Variants in ARHGEF16 observed in about 807,000 individuals in gnomAD.
ARHGEF16 encodes the protein Rho guanine nucleotide exchange factor 16, also known as Rho guanine exchange factor (GEF) 16.
In ARHGEF16, 59 loss-of-function variants were observed where a neutral mutation model predicts 74.1. That is an observed-to-expected ratio of 0.80 (90% CI 0.65 to 0.99). The LOEUF (loss-of-function observed/expected upper bound fraction) is 0.99. Ranked by LOEUF, ARHGEF16 falls within the 50% of genes least tolerant of loss-of-function variation. ARHGEF16 has a pLI of 0.00. For synonymous variants in ARHGEF16, 415 were observed against 412.6 expected (o/e 1.01, Z -0.07); for missense variants, 948 against 986.6 (o/e 0.96, Z 0.52).
Position 3,466,209 on chromosome 1 carries a change from G to A in ARHGEF16, c.634+16G>A. ...TTCAAGGACGGTGAGTGTGGCTTCG[G>A]GAGGCACCGCGGGCTGGGCTCCAGT... On this transcript the variant is annotated intron_variant, in intron 3 of 14. Transcript: ENST00000378378. 6.5e-7 allele frequency: 1 copy of A among 1,536,630 alleles called. No individual in the cohort carries two copies. The highest frequency in any genetic ancestry group is 8.8e-7 in the Non-Finnish European group (1 of 1,140,738).
At chr1:3,460,982 G>A (rs2100733267) in intron 1 of ARHGEF16, among the ~76,000 whole-genome samples, 1 of 152,244 alleles carries the variant, frequency 6.6e-6, no homozygotes. Context: ...CACTCCAAAG[G>A]TGCTAATCCA....
At chr1:3,468,693 C>T (rs1216883260) in intron 4 of ARHGEF16, 187 bp from the exon 5 acceptor site, 3 of 657,134 alleles carry the variant, frequency 4.6e-6, no homozygotes, top group South Asian at 3.6e-5. Context: ...AGGCGGGTTA[C>T]ACAGAGAGGA....
At position 3,463,222 on chromosome 1, in the gene ARHGEF16, C is replaced by T. The variant is rs750701956; in HGVS notation, c.138C>T (p.Asp46=). 3.0e-5 allele frequency: 47 copies of T among 1,547,260 alleles called. No homozygotes were observed. The highest frequency in any genetic ancestry group is 3.7e-5 in the Non-Finnish European group (42 of 1,144,808). The change falls in exon 2 of 15, where the codon GAC becomes GAT. Residue 46 remains aspartate, a synonymous_variant. Coordinates refer to ENST00000378378, the MANE Select transcript of ARHGEF16 (RefSeq NM_014448.4). ...TCCGTGGCTCCCCGCGTGTTAGAGA[C>T]GATGCCGCCTTCCAGCCCCAGGTCC... ...PMVRGSPRVR[D]DAAFQPQVPA...
intron 1 of ARHGEF16, among the ~76,000 whole-genome samples, chr1:3,460,175 G>A (rs542819391): frequency 7.2e-5 from 11 of 152,322 alleles, no homozygotes; most frequent in East Asian, 1.9e-4. Flanking sequence ...CTGTGGGTGC[G>A]GCTGCCTCGC....
Position 3,479,854 on chromosome 1 carries a change from A to G in ARHGEF16, c.1931A>G (p.Gln644Arg), listed in dbSNP as rs1429596848. 1 of 1,612,348 alleles carries G rather than the reference A, an allele frequency of 6.2e-7. No individual in the cohort carries two copies. ...VEITKAFFAK[Q>R]ADEVTLQQAD... Reference sequence around the variant, plus strand: ...ATCACCAAGGCCTTCTTCGCGAAGCAAGCAGACGAGGTCACACTGCAGCAG... The same window carrying G: ...ATCACCAAGGCCTTCTTCGCGAAGCGAGCAGACGAGGTCACACTGCAGCAG... Residue 644 changes from glutamine (Q) to arginine (R), a missense_variant, in exon 14 of 15, where the codon CAA becomes CGA. Transcript: ENST00000378378.
rs1639572608 is a variant in ARHGEF16, at chr1:3,467,253, C to T, written c.720C>T (p.Ser240=). ...ACGACATCCTCGATGAGTCCTCCAGCCCCGAGGGAACCCAGAAGGTGGACG... is the reference window on the plus strand; with the variant it reads ...ACGACATCCTCGATGAGTCCTCCAGTCCCGAGGGAACCCAGAAGGTGGACG... The part of the protein sequence containing the change: ...SDDDILDESS[S]PEGTQKVDAT... Residue 240 remains serine, a synonymous_variant, in exon 4 of 15, where the codon AGC becomes AGT. Transcript: ENST00000378378. The T allele has an allele frequency of 6.4e-7, 1 of 1,550,536 alleles. No individual in the cohort carries two copies. The highest frequency in any genetic ancestry group is 8.7e-7 in the Non-Finnish European group (1 of 1,146,902).
rs958255993 is a variant in ARHGEF16, at chr1:3,466,802, C to T, written c.635-366C>T. 2.7e-4 allele frequency among the ~76,000 whole-genome samples: 41 copies of T among 152,318 alleles called. 1 individual carries two copies. Among genetic ancestry groups the T allele is most frequent in the African/African-American group, 8.9e-4 (37 of 41,576 alleles). On this transcript the variant is annotated intron_variant, in intron 3 of 14. Coordinates refer to ENST00000378378, the MANE Select transcript of ARHGEF16 (RefSeq NM_014448.4). ...TCCAAGACACAATGGCCCCTTCCAG[C>T]CCCCAGAAGCTTTGTGGACAGGCAT...
At chr1:3,462,917 G>T in intron 1 of ARHGEF16, 149 bp from the exon 2 acceptor site, 1 of 525,012 alleles carries the variant, frequency 1.9e-6, no homozygotes, top group Non-Finnish European at 3.3e-6. Flanking sequence ...GATCCACTGT[G>T]CTCCTGGCTG....
chr1:3,464,945 T>G (rs561016806), intron 2 of ARHGEF16, among the ~76,000 whole-genome samples: 2 of 152,300 alleles, frequency 1.3e-5, no homozygotes, highest in Middle Eastern at 3.4e-3. Context: ...AGGCCGATGG[T>G]GGCTGAGGTG....
intron 4 of ARHGEF16, chr1:3,468,396 A>G (rs1639607316): frequency 5.2e-6 from 1 of 193,612 alleles, no homozygotes; most frequent in Non-Finnish European, 1.1e-5. Context: ...CACTCCCGCC[A>G]AGGCGACCCG....
intron 6 of ARHGEF16, among the ~76,000 whole-genome samples, chr1:3,472,054 GC>G (rs905188563): frequency 6.6e-6 from 1 of 152,200 alleles, no homozygotes; most frequent in Admixed American, 6.5e-5. Context: ...GCCCAGTCGG[GC>G]CCCGTGAGCA....
At chr1:3,461,705 A>C (rs553680231) in intron 1 of ARHGEF16, among the ~76,000 whole-genome samples, 94 of 152,316 alleles carry the variant, frequency 6.2e-4, no homozygotes, top group African/African-American at 2.3e-3. Flanking sequence ...CAGCCCCGCA[A>C]AGTGCCTGGA....
intron 4 of ARHGEF16, chr1:3,468,671 G>T: frequency 1.7e-6 from 1 of 599,766 alleles, no homozygotes; most frequent in Non-Finnish European, 3.0e-6. Flanking sequence ...GGGGGAGCGG[G>T]GGGCTGACCC....
At chr1:3,478,291 G>A (rs944011637) in intron 11 of ARHGEF16, 133 bp from the exon 12 acceptor site, 11 of 1,063,794 alleles carry the variant, frequency 1.0e-5, no homozygotes, top group African/African-American at 1.6e-5. Flanking sequence ...TGTGGGACGC[G>A]GGAACTCTTG....
At chr1:3,472,945 C>G in intron 6 of ARHGEF16, 133 bp from the exon 7 acceptor site, 5 of 815,484 alleles carry the variant, frequency 6.1e-6, no homozygotes, top group Non-Finnish European at 8.4e-6. Context: ...TGTGTGCTGC[C>G]TCTGGGAGCT....
intron 8 of ARHGEF16, chr1:3,474,116 GCA>G (rs1639817325): frequency 1.0e-5 from 2 of 191,436 alleles, no homozygotes; most frequent in Middle Eastern, 2.1e-3. Context: ...ATGCACACTT[GCA>G]CACACTGCAT....
At chr1:3,471,518 G>T (rs1639721815) in intron 6 of ARHGEF16, 5 of 589,216 alleles carry the variant, frequency 8.5e-6, no homozygotes, top group Non-Finnish European at 1.1e-5. Flanking sequence ...CCCAACCTCT[G>T]ACTCAGCATG....
Position 3,463,113 on chromosome 1 carries a change from TGGA to T in ARHGEF16, c.34_36del (p.Glu12del), listed in dbSNP as rs1204223448. ...GCCCAGCGGCACTCAGACAGCTCCT[TGGA>T]GGAGAAGCTCCTGGGACACCGCTTC... is the stretch of plus-strand genomic sequence containing the variant. On this transcript the variant is annotated inframe_deletion, in exon 2 of 15. Coordinates refer to ENST00000378378, the MANE Select transcript of ARHGEF16 (RefSeq NM_014448.4). 2.0e-6 allele frequency: 3 copies of T among 1,466,592 alleles called. No homozygotes were observed. The highest frequency in any genetic ancestry group is 1.4e-5 in the South Asian group (1 of 71,820). 90.8% of individuals were successfully genotyped at this position (1,466,592 alleles called of 1,614,324 possible). A position where few individuals can be genotyped will look rare whatever the true frequency, so the allele number is the denominator to read the frequency against.
chr1:3,456,678 T>A (rs2100728311), intron 1 of ARHGEF16, among the ~76,000 whole-genome samples: 1 of 152,322 alleles, frequency 6.6e-6, no homozygotes, highest in East Asian at 1.9e-4. Context: ...GAGGGCACTG[T>A]CTGTGTGTCT....
Sources: gnomAD v4.1 joint callset for allele counts (sites outside exome capture counted in the v4.1 genomes callset) on GRCh38, gnomAD v4.1.1 for gene constraint, MANE v1.5 for transcripts, NCBI Gene and HGNC (gene_info 2026-07-23, HGNC 2026-07-21) for gene names.